The following KIF1A variants were observed in gnomAD, a reference collection of about 807,000 sequenced individuals.
The protein encoded by KIF1A is kinesin family member 1A.
In KIF1A, 46 loss-of-function variants were observed where a neutral mutation model predicts 227.3. The ratio of observed to expected loss-of-function variants is 0.20; its 90% confidence interval spans 0.16 to 0.26. KIF1A has a LOEUF of 0.26. Among genes scored for constraint, KIF1A ranks in the 10% least tolerant of loss-of-function variants. The pLI is 1.00. For missense variants in KIF1A, 1,683 were observed against 2,485.9 expected (o/e 0.68, Z 6.87); for synonymous variants, 1,022 against 1,012.8 (o/e 1.01, Z -0.17).
At chr2:240,785,706 C>T (rs995525984) in intron 6 of KIF1A, among the ~76,000 whole-genome samples, 4 of 152,212 alleles carry the variant, frequency 2.6e-5, no homozygotes, top group Non-Finnish European at 4.4e-5. Context: ...GGCCAGGGTG[C>T]GCTGTGGGCC....
At chr2:240,744,974 C>A (rs1224153226) in intron 32 of KIF1A, among the ~76,000 whole-genome samples, 1 of 152,188 alleles carries the variant, frequency 6.6e-6, no homozygotes, top group African/African-American at 2.4e-5. Flanking sequence ...AAGGCCCCTC[C>A]TCTCCATCAT....
At position 240,745,756 on chromosome 2, in the gene KIF1A, T is replaced by C; in HGVS notation, c.3356A>G (p.Asp1119Gly). ...GCCTCACTTGAACTGGCAGAAGATG[T>C]CGGCATATTCGGCAGAGATGCTGGA... is the stretch of plus-strand genomic sequence containing the variant. ...QASSISAEYA[D>G]IFCQFNFIHR... The change falls in exon 31 of 49, where the codon GAC (aspartate) becomes GGC (glycine). Residue 1119 changes from aspartate to glycine, a missense_variant. Transcript: ENST00000498729. 6.2e-7 allele frequency: 1 copy of C among 1,612,388 alleles called. No individual in the cohort carries two copies.
intron 38 of KIF1A, among the ~76,000 whole-genome samples, chr2:240,732,146 ATT>A (rs1334947048): frequency 4.8e-3 from 139 of 28,940 alleles, no homozygotes; most frequent in Non-Finnish European, 5.7e-3. Flanking sequence ...GGGATGAGGG[ATT>A]GGGGAGGAGG....
rs117126301 is a variant in KIF1A at position 240,756,901 on chromosome 2, G to A, written c.2858+418C>T. Among the ~76,000 whole-genome samples the A allele has an allele frequency of 5.7e-3, 865 of 152,330 alleles. 26 individuals carry two copies. In the East Asian group the frequency reaches 0.076, roughly 13 times the overall value. ...CAGGACGGGCATCCTGCTTGGGGGC[G>A]GCTGGCCCTCACCTATCAAATGCCC... On this transcript the variant is annotated intron_variant, in intron 27 of 48. Coordinates refer to ENST00000498729, the MANE Select transcript of KIF1A (RefSeq NM_001244008.2).
chr2:240,784,340 C>T (rs2054440403), intron 7 of KIF1A, among the ~76,000 whole-genome samples: 1 of 152,164 alleles, frequency 6.6e-6, no homozygotes, highest in Non-Finnish European at 1.5e-5. Context: ...GCCATAGCTA[C>T]AGGGCAGGAC....
At chr2:240,753,915 G>A (rs557302471) in intron 27 of KIF1A, among the ~76,000 whole-genome samples, 3 of 152,290 alleles carry the variant, frequency 2.0e-5, no homozygotes, top group African/African-American at 7.2e-5. Context: ...TGGACACCAA[G>A]CTCCACCACC....
chr2:240,784,906 G>A (rs2126061623), intron 7 of KIF1A, 83 bp downstream of exon 7: 4 of 1,089,342 alleles, frequency 3.7e-6, no homozygotes, highest in Non-Finnish European at 4.2e-6. Context: ...TCCTTGTGCT[G>A]CCCCCACTGG....
In KIF1A at chr2:240,792,123, C is replaced by T. The variant is rs6732174; in HGVS notation, c.107-2811G>A. On this transcript the variant is annotated intron_variant, in intron 2 of 48. Transcript: ENST00000498729. This position sits in a 1 kb window ranked among gnomAD's most constrained non-coding sequence, Gnocchi z 4.5. ...GGGGAGGTCCTCTCCCCCGGTCACA[C>T]GACGCACAGCCAGACTAGAAGCCAG... is the stretch of plus-strand genomic sequence containing the variant. Among the ~76,000 whole-genome samples the T allele has an allele frequency of 0.25, 37,586 of 151,934 alleles. 4,806 individuals carry two copies. The highest frequency in any genetic ancestry group is 0.29 in the Non-Finnish European group (19,521 of 67,898).
At chr2:240,718,297 G>T in intron 47 of KIF1A, 129 bp from the exon 48 acceptor site, 1 of 715,510 alleles carries the variant, frequency 1.4e-6, no homozygotes, top group Non-Finnish European at 2.5e-6. Flanking sequence ...GGACACGGAG[G>T]GGACAAAGAG....
chr2:240,752,553 G>T lies in KIF1A; in HGVS notation c.2859-2006C>A, dbSNP rs550052286. 7.2e-5 allele frequency among the ~76,000 whole-genome samples: 11 copies of T among 152,110 alleles called. No individual in the cohort carries two copies. Among genetic ancestry groups the T allele is most frequent in the East Asian group, 5.8e-4 (3 of 5,172 alleles). On this transcript the variant is annotated intron_variant, in intron 27 of 48. Coordinates refer to ENST00000498729, the MANE Select transcript of KIF1A (RefSeq NM_001244008.2). The surrounding 1 kb of genome is among the most constrained non-coding windows in gnomAD (Gnocchi z 6.4). ...GAGCAAAGCTAAGTTGTCCAGGAGT[G>T]GGGGTGGGGAGAGCCAGAACTTGGG... is the stretch of plus-strand genomic sequence containing the variant.
At position 240,766,816 on chromosome 2, in the gene KIF1A, A is replaced by G; in HGVS notation, c.1684+99T>C. ...TGCCTAGAAGTATGACTCGCGACCCACTTAGTGCTGGGTAAGCTGGGAGAG... is the reference window on the plus strand; with the variant it reads ...TGCCTAGAAGTATGACTCGCGACCCGCTTAGTGCTGGGTAAGCTGGGAGAG... On this transcript the variant is annotated intron_variant, in intron 19 of 48. Coordinates refer to ENST00000498729, the MANE Select transcript of KIF1A (RefSeq NM_001244008.2). The surrounding 1 kb of genome is among the most constrained non-coding windows in gnomAD (Gnocchi z 5.0). 8.3e-6 allele frequency: 6 copies of G among 724,152 alleles called. No individual in the cohort carries two copies. The highest frequency in any genetic ancestry group is 1.4e-5 in the Non-Finnish European group (6 of 427,864). The allele number at this position is 724,152 out of a possible 1,614,324, so 44.9% of individuals were successfully genotyped here. A position where few individuals can be genotyped will look rare whatever the true frequency, so the allele number is the denominator to read the frequency against.
intron 28 of KIF1A, 100 bp from the exon 29 acceptor site, chr2:240,747,421 C>T (rs959484378): frequency 3.6e-6 from 3 of 840,540 alleles, no homozygotes; most frequent in African/African-American, 3.4e-5. Context: ...AGTGAGGGCA[C>T]AGGAGCCAGA....
intron 28 of KIF1A, among the ~76,000 whole-genome samples, chr2:240,747,554 C>T (rs1230717920): frequency 6.6e-6 from 1 of 152,182 alleles, no homozygotes; most frequent in Non-Finnish European, 1.5e-5. Context: ...CATCACAGCC[C>T]ACCTTGATAG....
chr2:240,776,671 T>C (rs1233950453), intron 10 of KIF1A, among the ~76,000 whole-genome samples: 2 of 152,258 alleles, frequency 1.3e-5, no homozygotes, highest in Non-Finnish European at 2.9e-5. Flanking sequence ...CAATGTCTAC[T>C]GGTTCATGTA....
chr2:240,807,368 C>G (rs970707982), intron 1 of KIF1A, among the ~76,000 whole-genome samples: 6 of 152,100 alleles, frequency 3.9e-5, no homozygotes, highest in African/African-American at 1.4e-4. Flanking sequence ...GTCTTGAACT[C>G]CCGACCTCAG....
chr2:240,791,751 G>T (rs2126113810), intron 2 of KIF1A, among the ~76,000 whole-genome samples: 1 of 152,322 alleles, frequency 6.6e-6, no homozygotes, highest in Admixed American at 6.5e-5. Flanking sequence ...ATGCCAGGTA[G>T]GTGGGGGACA....
At chr2:240,719,346 G>A in intron 46 of KIF1A, 148 bp from the exon 47 acceptor site, 2 of 843,028 alleles carry the variant, frequency 2.4e-6, no homozygotes, top group South Asian at 1.9e-5. Flanking sequence ...AGGGCACCTG[G>A]CAGAACCCCA....
At chr2:240,819,486 G>A (rs1373474320) in intron 1 of KIF1A, among the ~76,000 whole-genome samples, 1 of 152,096 alleles carries the variant, frequency 6.6e-6, no homozygotes, top group Non-Finnish European at 1.5e-5. Context: ...CAACGAAGCG[G>A]GTGGCCAGGC....
At chr2:240,733,400 C>T (rs2046977428) in intron 38 of KIF1A, among the ~76,000 whole-genome samples, 1 of 152,132 alleles carries the variant, frequency 6.6e-6, no homozygotes, top group Non-Finnish European at 1.5e-5. Context: ...CTGCTCAGGC[C>T]CTGCAGGGCC....
Sources: gnomAD v4.1 joint callset for allele counts (sites outside exome capture counted in the v4.1 genomes callset) on GRCh38, gnomAD v4.1.1 for gene constraint, Gnocchi (gnomAD v3.1) non-coding constraint, MANE v1.5 for transcripts, NCBI Gene and HGNC (gene_info 2026-07-23, HGNC 2026-07-21) for gene names.